The following LRRC53 variants were observed in gnomAD, a reference collection of about 807,000 sequenced individuals.
The protein encoded by LRRC53 is leucine rich repeat containing 53.
Under a neutral mutation model 13.6 loss-of-function variants are expected in LRRC53, and 25 were observed. That is an observed-to-expected ratio of 1.83 (90% CI 1.34 to 2.56). The LOEUF is 2.56. Ranked by LOEUF, LRRC53 falls within the 30% of genes most tolerant of loss-of-function variation. The pLI, the probability that LRRC53 is intolerant of heterozygous loss-of-function variation, is 0.00. For missense variants in LRRC53, 527 were observed against 275.8 expected, an observed-to-expected ratio of 1.91 and a Z score of -6.45; for synonymous variants, 204 against 109.8, an observed-to-expected ratio of 1.86 and a Z score of -5.37.
chr1:74,523,803 C>A, the LRRC53 span, among the ~76,000 whole-genome samples: 6 of 152,288 alleles, frequency 3.9e-5, no homozygotes, highest in Admixed American at 3.9e-4. Flanking sequence ...TACTTAAGTT[C>A]TGGGATACAT....
At chr1:74,524,881 G>C in the LRRC53 span, among the ~76,000 whole-genome samples, 1 of 152,186 alleles carries the variant, frequency 6.6e-6, no homozygotes, top group South Asian at 2.1e-4. Context: ...TGGGCAGAGA[G>C]GTAACATCAT....
chr1:74,533,750 A>T, the LRRC53 span, among the ~76,000 whole-genome samples: 1 of 152,064 alleles, frequency 6.6e-6, no homozygotes, highest in Non-Finnish European at 1.5e-5. Flanking sequence ...TGATGAGTTC[A>T]TGTCCTTTGT....
At chr1:74,473,644 TC>T (rs1456262868) in intron 4 of LRRC53, among the ~76,000 whole-genome samples, 4 of 152,030 alleles carry the variant, frequency 2.6e-5, no homozygotes, top group Non-Finnish European at 5.9e-5. Context: ...TCTCCAATTT[TC>T]CCCAAGAGGT....
intron 1 of LRRC53, among the ~76,000 whole-genome samples, chr1:74,485,289 A>C (rs1668697317): frequency 6.6e-6 from 1 of 152,226 alleles, no homozygotes; most frequent in South Asian, 2.1e-4. Flanking sequence ...AGGTAATTCC[A>C]GTCTGAGAAA....
intron 1 of LRRC53, among the ~76,000 whole-genome samples, chr1:74,505,156 G>A (rs1669829891): frequency 6.6e-6 from 1 of 152,164 alleles, no homozygotes; most frequent in Admixed American, 6.5e-5. Flanking sequence ...TCCCGCCTTT[G>A]GCAGTTGCGT....
At chr1:74,514,406 T>G (rs1646318643), upstream of LRRC53, among the ~76,000 whole-genome samples, 1 of 152,174 alleles carries the variant, frequency 6.6e-6, no homozygotes, top group African/African-American at 2.4e-5. Flanking sequence ...AGCATTTAAG[T>G]AAAAAGGGGA....
intron 2 of LRRC53, 116 bp downstream of exon 2, chr1:74,483,146 C>T (rs1322019635): frequency 1.3e-5 from 8 of 611,496 alleles, no homozygotes; most frequent in African/African-American, 1.1e-4. Context: ...GAAGTGTACT[C>T]ATTAAAGGGT....
intron 3 of LRRC53, among the ~76,000 whole-genome samples, chr1:74,476,767 C>A (rs1264054810): frequency 6.6e-6 from 1 of 152,120 alleles, no homozygotes; most frequent in African/African-American, 2.4e-5. Context: ...AGACAGCATT[C>A]CAGATTCTTT....
At chr1:74,498,714 A>G (rs1444420841) in intron 1 of LRRC53, among the ~76,000 whole-genome samples, 1 of 152,124 alleles carries the variant, frequency 6.6e-6, no homozygotes, top group African/African-American at 2.4e-5. Flanking sequence ...ATATTCCACT[A>G]CTTTTCCAGT....
intron 1 of LRRC53, among the ~76,000 whole-genome samples, chr1:74,496,504 G>T (rs1443421405): frequency 6.6e-6 from 1 of 152,142 alleles, no homozygotes; most frequent in Non-Finnish European, 1.5e-5. Flanking sequence ...CTTGAGAAAT[G>T]ATGCATTTAC....
Position 74,469,645 on chromosome 1 carries a change from T to C in LRRC53, c.*233A>G. On this transcript the variant is annotated 3_prime_UTR_variant, in exon 5 of 5. Transcript: ENST00000294635. ...AAAACTTTTCTTACTTGTTTTTTCA[T>C]TCCTTAGAGAAGCATACTCAGTTAA... The C allele has an allele frequency of 2.8e-6, 1 of 357,012 alleles. No individual in the cohort carries two copies. The highest frequency in any genetic ancestry group is 5.0e-6 in the Non-Finnish European group (1 of 200,284). The allele number at this position is 357,012 out of a possible 1,614,324, so 22.1% of individuals were successfully genotyped here.
chr1:74,511,561 C>T (rs1670226229), intron 1 of LRRC53, among the ~76,000 whole-genome samples: 1 of 152,052 alleles, frequency 6.6e-6, no homozygotes, highest in Admixed American at 6.5e-5. Context: ...ATTGGATATG[C>T]ATTTATCTAT....
chr1:74,475,759 T>C lies in LRRC53; in HGVS notation c.956A>G (p.His319Arg). The C allele has an allele frequency of 1.6e-6, 1 of 644,258 alleles. No individual in the cohort carries two copies. The allele number at this position is 644,258 out of a possible 1,614,324, so 39.9% of individuals were successfully genotyped here. A position where few individuals can be genotyped will look rare whatever the true frequency, so the allele number is the denominator to read the frequency against. ...LGLVVFNWKLHQGKANEHTSE... is the reference protein window; with the variant it reads ...LGLVVFNWKLRQGKANEHTSE... ...TGTGTGTTCATTTGCTTTGCCTTGG[T>C]GGAGTTTCCAGTTAAATACAACTAA... The change falls in exon 4 of 5, where the codon CAC becomes CGC. Residue 319 changes from histidine (H) to arginine (R), a missense_variant. By Grantham distance (29) the His-to-Arg change is conservative. Coordinates refer to ENST00000294635, the MANE Select transcript of LRRC53 (RefSeq NM_001382280.1).
chr1:74,481,075 G>T (rs931798817), intron 2 of LRRC53, 107 bp from the exon 3 acceptor site: 5 of 591,418 alleles, frequency 8.5e-6, no homozygotes, highest in Non-Finnish European at 1.5e-5. Context: ...TTATCACCTG[G>T]GTAAAAACAA....
At chr1:74,504,083 A>G (rs926225210) in intron 1 of LRRC53, among the ~76,000 whole-genome samples, 5 of 152,218 alleles carry the variant, frequency 3.3e-5, no homozygotes, top group African/African-American at 1.2e-4. Flanking sequence ...AGACAGCACT[A>G]TAGTGAAATA....
intron 4 of LRRC53, 145 bp from the exon 5 acceptor site, chr1:74,472,346 C>G: frequency 3.4e-6 from 2 of 590,680 alleles, no homozygotes; most frequent in Non-Finnish European, 6.0e-6. Context: ...TGTAACCAAA[C>G]CTACAAAGGA....
chr1:74,473,652 A>C (rs756823746), intron 4 of LRRC53, among the ~76,000 whole-genome samples: 3 of 152,038 alleles, frequency 2.0e-5, no homozygotes, highest in Non-Finnish European at 2.9e-5. Context: ...TTTCCCCAAG[A>C]GGTAAACTAA....
upstream of LRRC53, among the ~76,000 whole-genome samples, chr1:74,514,401 T>C (rs1000265112): frequency 6.6e-6 from 1 of 152,162 alleles, no homozygotes; most frequent in African/African-American, 2.4e-5. Flanking sequence ...GAGGAAGCAT[T>C]TAAGTAAAAA....
the LRRC53 span, among the ~76,000 whole-genome samples, chr1:74,531,003 C>T: frequency 3.3e-5 from 5 of 152,270 alleles, no homozygotes; most frequent in African/African-American, 1.2e-4. Flanking sequence ...TAATTCTTTG[C>T]CTAATTGCTT....
Sources: gnomAD v4.1 joint callset for allele counts (sites outside exome capture counted in the v4.1 genomes callset) on GRCh38, gnomAD v4.1.1 for gene constraint, MANE v1.5 for transcripts, NCBI Gene and HGNC (gene_info 2026-07-23, HGNC 2026-07-21) for gene names.